Variants in TSC22D3 observed in about 807,000 individuals in gnomAD.
The protein encoded by TSC22D3 is TSC22 domain family member 3.
In TSC22D3, 4 loss-of-function variants were observed where a neutral mutation model predicts 11.1. That is an observed-to-expected ratio of 0.36 (90% CI 0.18 to 0.83). TSC22D3 has a LOEUF of 0.83. Ranked by LOEUF, TSC22D3 falls within the 40% of genes least tolerant of loss-of-function variation. TSC22D3 has a pLI of 0.48. For missense variants in TSC22D3, 118 were observed against 159.4 expected (o/e 0.74, Z 1.40); for synonymous variants, 77 against 70.3 (o/e 1.10, Z -0.48).
chrX:107,739,189 C>A, intron 1 of TSC22D3, among the ~76,000 whole-genome samples: 1 of 113,076 alleles, frequency 8.8e-6, no homozygotes, highest in Non-Finnish European at 1.9e-5. Flanking sequence ...GCCCCACAAA[C>A]CTCCATTCGT....
chrX:107,760,004 C>T (rs754049048), intron 1 of TSC22D3, among the ~76,000 whole-genome samples: 12 of 112,712 alleles, frequency 1.1e-4, no homozygotes, highest in African/African-American at 3.2e-4. Flanking sequence ...GATCTTCTGC[C>T]GAGACCGGGC....
At chrX:107,773,815 G>A (rs926318764) in intron 1 of TSC22D3, among the ~76,000 whole-genome samples, 1 of 111,781 alleles carries the variant, frequency 8.9e-6, no homozygotes, top group African/African-American at 3.3e-5. Flanking sequence ...GGCAAGGGAG[G>A]CAAACCTGCT....
rs73636311 is a variant in TSC22D3 at position 107,726,662 on chromosome X, T to A, written c.321-10712A>T. 6.0e-3 allele frequency among the ~76,000 whole-genome samples: 666 copies of A among 111,200 alleles called. 4 individuals carry two copies. The highest frequency in any genetic ancestry group is 0.021 in the African/African-American group (633 of 30,590). On this transcript the variant is annotated intron_variant, in intron 1 of 2. Transcript: ENST00000372383. ...TTTCTTTCTTTCATCTTCTTTTTTTTAATCTACTCTACAGATGTCTTCGTA... is the reference window on the plus strand; with the variant it reads ...TTTCTTTCTTTCATCTTCTTTTTTTAAATCTACTCTACAGATGTCTTCGTA...
At chrX:107,774,015 G>C (rs1242530807) in intron 1 of TSC22D3, among the ~76,000 whole-genome samples, 1 of 111,861 alleles carries the variant, frequency 8.9e-6, no homozygotes. Flanking sequence ...GAGGTCAGGC[G>C]ACTTGCTCAG....
chrX:107,749,051 C>G (rs779854307), intron 1 of TSC22D3, among the ~76,000 whole-genome samples: 2 of 111,431 alleles, frequency 1.8e-5, no homozygotes, highest in African/African-American at 3.3e-5. Context: ...AAGGACAGGA[C>G]AGGTCAGGTG....
chrX:107,756,148 C>T (rs760893726), intron 1 of TSC22D3, among the ~76,000 whole-genome samples: 3 of 112,142 alleles, frequency 2.7e-5, no homozygotes, highest in Non-Finnish European at 3.8e-5. Flanking sequence ...ACATGTCACA[C>T]GTCTGCTAAC....
At chrX:107,774,165 T>C (rs1930028457) in intron 1 of TSC22D3, among the ~76,000 whole-genome samples, 1 of 111,949 alleles carries the variant, frequency 8.9e-6, no homozygotes, top group African/African-American at 3.3e-5. Context: ...GTTGGTGCCC[T>C]ATCCTGATGG....
intron 1 of TSC22D3, among the ~76,000 whole-genome samples, chrX:107,730,636 A>G (rs949088443): frequency 8.9e-6 from 1 of 112,182 alleles, no homozygotes; most frequent in East Asian, 2.8e-4. Flanking sequence ...ACTGCAAATA[A>G]GTACAAACTA....
intron 1 of TSC22D3, among the ~76,000 whole-genome samples, chrX:107,764,936 G>A (rs765637965): frequency 8.9e-6 from 1 of 112,356 alleles, no homozygotes; most frequent in South Asian, 3.7e-4. Context: ...GCTAGCCTAG[G>A]TTCCCAAGGA....
In TSC22D3 at chrX:107,775,750, T is replaced by C. The variant is rs772845982; in HGVS notation, c.-331A>G. ...CGCGGCCCCAGCGCAGTCCCAAGTT[T>C]CCCAAGTGTGAGCGGGGATTGGGGC... is the stretch of plus-strand genomic sequence containing the variant. On this transcript the variant is annotated 5_prime_UTR_variant, in exon 1 of 3. Transcript: ENST00000372383. 13 of 152,487 alleles carry C rather than the reference T, an allele frequency of 8.5e-5. No individual in the cohort carries two copies. The highest frequency in any genetic ancestry group is 4.0e-4 in the African/African-American group (13 of 32,143). The allele number at this position is 152,487 out of a possible 1,213,427, so 12.6% of individuals were successfully genotyped here.
intron 1 of TSC22D3, chrX:107,717,128 C>T: frequency 1.2e-6 from 1 of 862,746 alleles, no homozygotes; most frequent in Non-Finnish European, 1.4e-6. Flanking sequence ...CGTCAGGGGC[C>T]ATGCAAATGA....
rs781442521 is a variant in TSC22D3 at position 107,757,746 on chromosome X, G to T, written c.320+17354C>A. ...CTCCCGTTCCCACAGCCCCTAAGGC[G>T]CCAAGGAGGACCCTAAGGGTTCTTT... On this transcript the variant is annotated intron_variant, in intron 1 of 2. Transcript: ENST00000372383. Among the ~76,000 whole-genome samples the T allele has an allele frequency of 1.4e-4, 15 of 108,656 alleles. No homozygotes were observed. The East Asian group carries it at 3.5e-3, about 25-fold the overall frequency. 94.4% of individuals were successfully genotyped at this position (108,656 alleles called of 115,157 possible).
At chrX:107,758,784 C>T (rs1416577737) in intron 1 of TSC22D3, among the ~76,000 whole-genome samples, 1 of 112,254 alleles carries the variant, frequency 8.9e-6, no homozygotes, top group African/African-American at 3.2e-5. Flanking sequence ...CACTGGGAGA[C>T]ATGTGGTTAA....
chrX:107,755,129 T>C (rs539136721), intron 1 of TSC22D3, among the ~76,000 whole-genome samples: 1 of 112,412 alleles, frequency 8.9e-6, no homozygotes, highest in Non-Finnish European at 1.9e-5. Flanking sequence ...CAAACTTTTT[T>C]CTTTAAAAAA....
At chrX:107,764,446 A>G (rs1297845325) in intron 1 of TSC22D3, among the ~76,000 whole-genome samples, 8 of 111,985 alleles carry the variant, frequency 7.1e-5, no homozygotes, top group African/African-American at 2.6e-4. Flanking sequence ...AACGTTGACC[A>G]TGAACAACAC....
chrX:107,753,714 A>T (rs2147774739), intron 1 of TSC22D3, among the ~76,000 whole-genome samples: 1 of 111,511 alleles, frequency 9.0e-6, no homozygotes, highest in South Asian at 3.8e-4. Context: ...CTTGAAAATC[A>T]ACTCCCAAGT....
At chrX:107,754,833 T>A (rs945489883) in intron 1 of TSC22D3, among the ~76,000 whole-genome samples, 1 of 112,221 alleles carries the variant, frequency 8.9e-6, no homozygotes, top group Admixed American at 9.4e-5. Flanking sequence ...GATTGCAAAT[T>A]TTTTTTCGTG....
chrX:107,737,052 A>G (rs1042205823), intron 1 of TSC22D3, among the ~76,000 whole-genome samples: 2 of 111,306 alleles, frequency 1.8e-5, no homozygotes, highest in Middle Eastern at 9.3e-3. Context: ...AGACCCAGAG[A>G]CCTTTCCTTT....
intron 1 of TSC22D3, among the ~76,000 whole-genome samples, chrX:107,735,844 C>T (rs1488061206): frequency 5.4e-5 from 6 of 111,570 alleles, no homozygotes; most frequent in Non-Finnish European, 1.1e-4. Flanking sequence ...CTTTAGCTTA[C>T]TTGGCATCCT....
Sources: gnomAD v4.1 joint callset for allele counts (sites outside exome capture counted in the v4.1 genomes callset) on GRCh38, gnomAD v4.1.1 for gene constraint, MANE v1.5 for transcripts, NCBI Gene and HGNC (gene_info 2026-07-23, HGNC 2026-07-21) for gene names.